Variants in IL17RC observed in about 807,000 individuals in gnomAD.
IL17RC encodes interleukin-17 receptor C.
Under a neutral mutation model 86.7 loss-of-function variants are expected in IL17RC, and 53 were observed. The observed-to-expected ratio is 0.61, with a 90% CI of 0.49 to 0.77. The LOEUF is 0.77. IL17RC is among the 30% of genes least tolerant of loss of function. IL17RC has a pLI of 0.00. For missense variants in IL17RC, 957 were observed against 940.0 expected, an observed-to-expected ratio of 1.02 and a Z score of -0.24; for synonymous variants, 439 against 413.1, an observed-to-expected ratio of 1.06 and a Z score of -0.76.
intron 16 of IL17RC, among the ~76,000 whole-genome samples, 153 bp from the exon 17 acceptor site, chr3:9,932,455 T>C (rs2084825742): frequency 6.6e-6 from 1 of 152,184 alleles, no homozygotes; most frequent in Admixed American, 6.5e-5. Context: ...CTTGATGTCC[T>C]GACCTCGTGA....
In IL17RC at chr3:9,928,294, T is replaced by C. The variant is rs2084297950; in HGVS notation, c.878-11T>C. ...TACCTGGCCTGCGGTGACTGTGCCC[T>C]TTCCTTGCAGACCCCCGCGCACACC... On this transcript the variant is annotated splice_polypyrimidine_tract_variant and intron_variant, in intron 10 of 18. Coordinates refer to ENST00000403601, the MANE Select transcript of IL17RC (RefSeq NM_153460.4). 1.9e-6 allele frequency: 3 copies of C among 1,610,886 alleles called. No homozygotes were observed. In the African/African-American group the frequency reaches 4.0e-5, roughly 21 times the overall value.
At chr3:9,922,702 C>T (rs2083683540) in intron 7 of IL17RC, among the ~76,000 whole-genome samples, 1 of 152,060 alleles carries the variant, frequency 6.6e-6, no homozygotes, top group Non-Finnish European at 1.5e-5. Flanking sequence ...CAGTGATTAG[C>T]ACTAAGGAGA....
At chr3:9,918,789 G>A (rs1005840020) in intron 5 of IL17RC, among the ~76,000 whole-genome samples, 180 bp downstream of exon 5, 8 of 152,160 alleles carry the variant, frequency 5.3e-5, no homozygotes, top group Non-Finnish European at 7.3e-5. Flanking sequence ...ATGTGAGGTG[G>A]GACTATTCTT....
intron 9 of IL17RC, among the ~76,000 whole-genome samples, chr3:9,924,582 G>C (rs1464295921): frequency 6.6e-6 from 1 of 152,122 alleles, no homozygotes; most frequent in Admixed American, 6.6e-5. Flanking sequence ...CTGTCTTTGT[G>C]TTCCCCTGGC....
chr3:9,932,768 G>C (rs1410225939), intron 17 of IL17RC, 52 bp from the exon 18 acceptor site: 1 of 1,594,200 alleles, frequency 6.3e-7, no homozygotes, highest in Non-Finnish European at 8.5e-7. Flanking sequence ...AGTTCTCCGA[G>C]GGAAAGCGGC....
chr3:9,918,651 A>G (rs763740279), intron 5 of IL17RC, 42 bp downstream of exon 5: 8 of 1,399,426 alleles, frequency 5.7e-6, no homozygotes, highest in Middle Eastern at 1.8e-4. Flanking sequence ...CCTAAAATCT[A>G]TAAAACTTTT....
At position 9,928,230 on chromosome 3, in the gene IL17RC, C is replaced by A. The variant is rs747231250; in HGVS notation, c.877+10C>A. On this transcript the variant is annotated intron_variant, in intron 10 of 18. Coordinates refer to ENST00000403601, the MANE Select transcript of IL17RC (RefSeq NM_153460.4). The stretch of plus-strand genomic sequence containing the variant: ...TGCCCCTTCAGGGAGGGTGAGCCGA[C>A]CGGCCTGGGGCTGGGGTTGGGGTGT... The A allele has an allele frequency of 6.3e-7, 1 of 1,595,010 alleles. No individual in the cohort carries two copies. Among genetic ancestry groups the A allele is most frequent in the Non-Finnish European group, 8.5e-7 (1 of 1,176,758 alleles).
intron 7 of IL17RC, among the ~76,000 whole-genome samples, chr3:9,921,471 C>CAAAAT (rs2083542772): frequency 6.6e-6 from 1 of 151,520 alleles, no homozygotes; most frequent in South Asian, 2.1e-4. Flanking sequence ...CAAAACAAAA[C>CAAAAT]AAAACAAAAA....
chr3:9,920,720 T>C, intron 6 of IL17RC, 118 bp downstream of exon 6: 3 of 799,784 alleles, frequency 3.8e-6, no homozygotes, highest in East Asian at 2.7e-5. Flanking sequence ...GCTGCTATCC[T>C]CCCCAGAGTC....
chr3:9,929,764 A>G (rs1479702141), intron 12 of IL17RC, 88 bp from the exon 13 acceptor site: 2 of 1,422,120 alleles, frequency 1.4e-6, no homozygotes, highest in African/African-American at 2.8e-5. Context: ...CCAACCCAAC[A>G]GGCCTTCTGT....
In IL17RC at chr3:9,932,626, C is replaced by T; in HGVS notation, c.1406C>T (p.Ala469Val). The change falls in exon 17 of 19, where the codon GCC becomes GTC. Residue 469 changes from alanine (A) to valine (V), a missense_variant. Coordinates refer to ENST00000403601, the MANE Select transcript of IL17RC (RefSeq NM_153460.4). ...CTCCCAGACATCCACAAGCGCTGGG[C>T]CCTCGTGTGGCTGGCCTGCCTACTC... ...PMDKYIHKRW[A>V]LVWLACLLFA... The T allele has an allele frequency of 6.2e-7, 1 of 1,614,126 alleles. No individual in the cohort carries two copies. The highest frequency in any genetic ancestry group is 8.5e-7 in the Non-Finnish European group (1 of 1,179,968).
In IL17RC at chr3:9,933,100, AG is replaced by A; in HGVS notation, c.1674del (p.Val560TrpfsTer163). 1 of 1,573,938 alleles carries A rather than the reference AG, an allele frequency of 6.4e-7. No individual in the cohort carries two copies. Among genetic ancestry groups the A allele is most frequent in the Non-Finnish European group, 8.6e-7 (1 of 1,166,102 alleles). On this transcript the variant is annotated frameshift_variant, in exon 19 of 19. Transcript: ENST00000403601. LOFTEE classifies it low-confidence loss of function (END_TRUNC). ...TGGAGCCGTCGTGAACTGAGCGCGC[AG>A]GGGCCCGTGGCTTGGTTTCACGCGC... ...DLWSRRELSA[Q>X]GPVAWFHAQR...
chr3:9,926,031 CTTTTTTTTTT>C (rs5846649), intron 9 of IL17RC, among the ~76,000 whole-genome samples: 4 of 89,788 alleles, frequency 4.5e-5, no homozygotes, highest in Non-Finnish European at 8.3e-5. Flanking sequence ...TAATTGTTTC[CTTTTTTTTTT>C]TTTTTTTTTT....
chr3:9,918,698 T>A, intron 5 of IL17RC, 89 bp downstream of exon 5: 2 of 915,482 alleles, frequency 2.2e-6, no homozygotes, highest in Non-Finnish European at 3.5e-6. Context: ...ACAAAAGAAT[T>A]AAATTTATTG....
At chr3:9,918,879 A>G (rs2083319962) in intron 5 of IL17RC, among the ~76,000 whole-genome samples, 1 of 152,190 alleles carries the variant, frequency 6.6e-6, no homozygotes, top group Admixed American at 6.6e-5. Flanking sequence ...GGGGATGAGA[A>G]TAGTTCTACT....
At chr3:9,919,922 A>G (rs2083407347) in intron 5 of IL17RC, among the ~76,000 whole-genome samples, 1 of 152,028 alleles carries the variant, frequency 6.6e-6, no homozygotes, top group African/African-American at 2.4e-5. Flanking sequence ...TATACTTACC[A>G]TGGTGTAAGT....
intron 5 of IL17RC, chr3:9,919,128 T>C (rs1030228880): frequency 1.2e-4 from 18 of 152,256 alleles, no homozygotes; most frequent in African/African-American, 4.1e-4. Context: ...ATTGTTCCAG[T>C]TGTAGTATAT....
At chr3:9,928,770 T>C (rs1377848921) in intron 12 of IL17RC, 140 bp downstream of exon 12, 8 of 825,074 alleles carry the variant, frequency 9.7e-6, no homozygotes, top group East Asian at 4.9e-5. Context: ...ACTTTAGTAG[T>C]GCGCGGGACC....
At chr3:9,922,073 C>G (rs2083625273) in intron 7 of IL17RC, among the ~76,000 whole-genome samples, 1 of 151,544 alleles carries the variant, frequency 6.6e-6, no homozygotes, top group Non-Finnish European at 1.5e-5. Flanking sequence ...CTGCCTCAGC[C>G]TCCCAAGCAG....
Sources: allele counts gnomAD v4.1 joint callset (sites outside exome capture counted in the v4.1 genomes callset), GRCh38; gene constraint gnomAD v4.1.1; transcripts MANE v1.5; gene names NCBI Gene and HGNC (gene_info 2026-07-23, HGNC 2026-07-21).